The following COL4A2 variants were observed in gnomAD, a reference collection of about 807,000 sequenced individuals.
COL4A2 encodes the protein collagen type IV alpha 2 chain.
Under a neutral mutation model 200.2 loss-of-function variants are expected in COL4A2, and 99 were observed. The observed-to-expected ratio is 0.49, with a 90% CI of 0.42 to 0.58. The LOEUF (loss-of-function observed/expected upper bound fraction) is 0.58, where lower values mean the gene tolerates loss of function less well. COL4A2 is among the 20% of genes least tolerant of loss of function. The pLI is 0.00. For missense variants in COL4A2, 1,950 were observed against 2,314.1 expected (o/e 0.84, Z 3.23); for synonymous variants, 897 against 900.6 (o/e 1.00, Z 0.07).
chr13:110,437,319 C>T (rs1880927835), intron 13 of COL4A2, among the ~76,000 whole-genome samples: 1 of 152,140 alleles, frequency 6.6e-6, no homozygotes, highest in Admixed American at 6.5e-5. Context: ...AGGTTTGATC[C>T]ACGTGGAGGT....
intron 10 of COL4A2, 172 bp downstream of exon 10, chr13:110,430,779 CT>C: frequency 1.1e-6 from 1 of 949,120 alleles, no homozygotes; most frequent in South Asian, 1.3e-5. Context: ...CACTTTGCTG[CT>C]GTTAAGGTTG....
At chr13:110,395,122 C>T (rs902628428) in intron 4 of COL4A2, among the ~76,000 whole-genome samples, 3 of 152,170 alleles carry the variant, frequency 2.0e-5, no homozygotes, top group African/African-American at 7.2e-5. Context: ...CCTGTCTCCT[C>T]CTGGGAGGAC....
intron 16 of COL4A2, among the ~76,000 whole-genome samples, chr13:110,443,874 C>T (rs1207983295): frequency 7.2e-5 from 11 of 152,320 alleles, no homozygotes; most frequent in Admixed American, 6.5e-4. Flanking sequence ...TTGTGTTTGC[C>T]ACTGAGAAAC....
chr13:110,511,839 A>G, intron 47 of COL4A2, 95 bp from the exon 48 acceptor site: 1 of 1,575,280 alleles, frequency 6.3e-7, no homozygotes, highest in Non-Finnish European at 8.6e-7. Flanking sequence ...TTTGCTGTTC[A>G]GTAAAAACAA....
chr13:110,465,499 G>T lies in COL4A2; in HGVS notation c.1871G>T (p.Gly624Val). 1 of 1,614,024 alleles carries T rather than the reference G, an allele frequency of 6.2e-7. No individual in the cohort carries two copies. Residue 624 changes from glycine to valine, a missense_variant, in exon 25 of 48, where the codon GGC becomes GTC. By Grantham distance (109) the Gly-to-Val change is moderately radical. Coordinates refer to ENST00000360467, the MANE Select transcript of COL4A2 (RefSeq NM_001846.4). ...TPGEMGPPGL[G>V]LPGLKGQRGF... The stretch of plus-strand genomic sequence containing the variant: ...GGAGAAATGGGCCCCCCAGGACTGG[G>T]CCTTCCCGGCCTCAAAGGCCAACGT...
intron 4 of COL4A2, among the ~76,000 whole-genome samples, chr13:110,359,648 C>A (rs950463028): frequency 6.6e-6 from 1 of 152,176 alleles, no homozygotes; most frequent in Admixed American, 6.5e-5. Flanking sequence ...CCAGGAAGAA[C>A]GACCCTCTGC....
At position 110,415,127 on chromosome 13, in the gene COL4A2, A is replaced by T. The variant is rs1051082909; in HGVS notation, c.181-9607A>T. On this transcript the variant is annotated intron_variant, in intron 4 of 47. Transcript: ENST00000360467. ...TGGACCGAGGTTTGGAGAAGGGAGC[A>T]TTTGATAACAAAGGGGCAACACCCA... is the stretch of plus-strand genomic sequence containing the variant. Among the ~76,000 whole-genome samples the T allele has an allele frequency of 5.9e-5, 9 of 152,308 alleles. No homozygotes were observed. In the East Asian group the frequency reaches 1.7e-3, roughly 29 times the overall value.
chr13:110,379,021 G>A (rs1878356810), intron 4 of COL4A2, among the ~76,000 whole-genome samples: 2 of 152,162 alleles, frequency 1.3e-5, no homozygotes, highest in African/African-American at 4.8e-5. Context: ...AGTCTTGCCT[G>A]GCCCTGACCC....
chr13:110,355,355 T>G (rs10162056), intron 3 of COL4A2, among the ~76,000 whole-genome samples: 13,541 of 82,856 alleles, frequency 0.16, 942 homozygotes, highest in Middle Eastern at 0.37. Context: ...CCTGTGTGTG[T>G]GGGGGAGGGC....
intron 3 of COL4A2, among the ~76,000 whole-genome samples, chr13:110,310,215 A>G (rs1566465183): frequency 6.6e-6 from 1 of 152,174 alleles, no homozygotes; most frequent in African/African-American, 2.4e-5. Flanking sequence ...CACCAAGAAC[A>G]TTGATTGCCC....
intron 33 of COL4A2, among the ~76,000 whole-genome samples, 153 bp downstream of exon 33, chr13:110,485,180 G>C (rs1298371411): frequency 6.6e-6 from 1 of 152,156 alleles, no homozygotes; most frequent in African/African-American, 2.4e-5. Context: ...TCCATAGCTG[G>C]CGCAGGGTTG....
chr13:110,492,528 G>A (rs182284332), intron 38 of COL4A2, among the ~76,000 whole-genome samples: 6 of 152,266 alleles, frequency 3.9e-5, no homozygotes, highest in Admixed American at 2.0e-4. Flanking sequence ...TGTGCTGCAC[G>A]GGCCACCCCC....
intron 24 of COL4A2, among the ~76,000 whole-genome samples, chr13:110,462,749 A>G (rs1882079253): frequency 6.6e-6 from 1 of 152,136 alleles, no homozygotes. Flanking sequence ...TGCAACAAAC[A>G]CACACTGGTG....
At chr13:110,511,900 T>C in intron 47 of COL4A2, 34 bp from the exon 48 acceptor site, 1 of 1,612,686 alleles carries the variant, frequency 6.2e-7, no homozygotes. Flanking sequence ...CAGGCTGTGA[T>C]TCCTAACCCT....
chr13:110,411,006 CCTT>C (rs1272528061), intron 4 of COL4A2, among the ~76,000 whole-genome samples: 3 of 152,220 alleles, frequency 2.0e-5, no homozygotes, highest in Non-Finnish European at 4.4e-5. Context: ...CTCTCAGCTG[CCTT>C]CTTCTCGATG....
At chr13:110,315,003 G>A (rs896442059) in intron 3 of COL4A2, among the ~76,000 whole-genome samples, 3 of 152,238 alleles carry the variant, frequency 2.0e-5, no homozygotes, top group African/African-American at 7.2e-5. Context: ...AAAGGGGCCT[G>A]GAGCCAGGAT....
At chr13:110,372,185 C>T (rs774040653) in intron 4 of COL4A2, among the ~76,000 whole-genome samples, 10 of 152,168 alleles carry the variant, frequency 6.6e-5, no homozygotes, top group Non-Finnish European at 1.2e-4. Context: ...CACACCGGGC[C>T]GGTCATTCCA....
intron 3 of COL4A2, among the ~76,000 whole-genome samples, chr13:110,323,544 C>T (rs550473502): frequency 6.6e-6 from 1 of 152,342 alleles, no homozygotes; most frequent in East Asian, 1.9e-4. Context: ...CCACAGGCTC[C>T]TCTCCTAGAC....
chr13:110,345,875 ACCTGTGCACAGG>A, intron 3 of COL4A2, among the ~76,000 whole-genome samples: 1 of 152,162 alleles, frequency 6.6e-6, no homozygotes, highest in East Asian at 1.9e-4. Context: ...GGGCATGTGT[ACCTGTGCACAGG>A]GGGACCACCT....
Sources: gnomAD v4.1 joint callset for allele counts (sites outside exome capture counted in the v4.1 genomes callset) on GRCh38, gnomAD v4.1.1 for gene constraint, MANE v1.5 for transcripts, NCBI Gene and HGNC (gene_info 2026-07-23, HGNC 2026-07-21) for gene names.